SAMMSON: variants seen among roughly 807,000 people sequenced by gnomAD.
SAMMSON encodes long intergenic non-protein coding RNA 1212.
intron 3 of SAMMSON, among the ~76,000 whole-genome samples, chr3:70,015,824 T>C (rs1488085979): frequency 6.6e-6 from 1 of 152,180 alleles, no homozygotes; most frequent in East Asian, 1.9e-4. Context: ...TTTGCTTTTT[T>C]GTTCTTGTGA....
chr3:70,429,883 T>C (rs887477247), intron 2 of SAMMSON, among the ~76,000 whole-genome samples: 8 of 152,188 alleles, frequency 5.3e-5, no homozygotes, highest in Admixed American at 4.6e-4. Flanking sequence ...CCATGGGGTT[T>C]TCTAAATATA....
intron 6 of SAMMSON, among the ~76,000 whole-genome samples, chr3:70,267,635 C>A (rs1454797209): frequency 2.3e-5 from 3 of 133,000 alleles, no homozygotes; most frequent in Non-Finnish European, 4.7e-5. Context: ...CCAGAATGGT[C>A]TTGACCTCCT....
At chr3:70,142,319 G>GTA (rs542061034) in intron 4 of SAMMSON, among the ~76,000 whole-genome samples, 5 of 151,862 alleles carry the variant, frequency 3.3e-5, no homozygotes, top group South Asian at 2.1e-4. Context: ...AGAAACTGTG[G>GTA]TATATATATA....
intron 3 of SAMMSON, among the ~76,000 whole-genome samples, chr3:70,020,632 C>G (rs926591974): frequency 2.6e-5 from 4 of 152,110 alleles, no homozygotes; most frequent in Admixed American, 6.6e-5. Context: ...ACACATTTCT[C>G]TTCGCCTTCT....
intron 1 of SAMMSON, among the ~76,000 whole-genome samples, chr3:70,010,290 C>G (rs112921103): frequency 6.6e-6 from 1 of 152,040 alleles, no homozygotes; most frequent in East Asian, 1.9e-4. Flanking sequence ...CTTTCTAGAT[C>G]TCTAAGAACT....
chr3:70,430,862 T>C (rs1416904016), intron 2 of SAMMSON, among the ~76,000 whole-genome samples: 14 of 152,132 alleles, frequency 9.2e-5, no homozygotes, highest in Non-Finnish European at 4.4e-5. Flanking sequence ...TCAGCCTTAG[T>C]TTTTATACAT....
intron 9 of SAMMSON, among the ~76,000 whole-genome samples, chr3:70,372,474 A>G (rs918130154): frequency 6.6e-6 from 1 of 151,694 alleles, no homozygotes; most frequent in East Asian, 1.9e-4. Flanking sequence ...TCATTTTTGT[A>G]TTATTAGTAG....
intron 2 of SAMMSON, among the ~76,000 whole-genome samples, chr3:70,429,044 T>A (rs1223001543): frequency 6.6e-6 from 1 of 152,220 alleles, no homozygotes; most frequent in Admixed American, 6.5e-5. Context: ...CCCGTGCCTA[T>A]GGCCTGAATG....
intron 3 of SAMMSON, among the ~76,000 whole-genome samples, chr3:70,048,158 T>C (rs1376596701): frequency 6.6e-6 from 1 of 152,112 alleles, no homozygotes; most frequent in Non-Finnish European, 1.5e-5. Context: ...ATACGTACTG[T>C]GCTACCGGCT....
chr3:70,067,756 G>C (rs1321102205), intron 3 of SAMMSON, among the ~76,000 whole-genome samples: 2 of 152,034 alleles, frequency 1.3e-5, no homozygotes, highest in Non-Finnish European at 2.9e-5. Context: ...CTCCTGCAAT[G>C]TCACCTGCAA....
intron 3 of SAMMSON, among the ~76,000 whole-genome samples, chr3:70,054,130 T>G (rs191455878): frequency 2.8e-4 from 42 of 152,270 alleles, no homozygotes; most frequent in Non-Finnish European, 5.4e-4. Flanking sequence ...CATATAGATA[T>G]AGGTGAGTGT....
chr3:70,262,047 A>G (rs1489833898), intron 6 of SAMMSON, among the ~76,000 whole-genome samples: 5 of 152,140 alleles, frequency 3.3e-5, no homozygotes, highest in Admixed American at 2.6e-4. Flanking sequence ...GCCATTCCTC[A>G]TGTGTCCTTG....
Position 70,047,333 on chromosome 3 carries a change from C to CTTTTT in SAMMSON, n.418-24134_418-24130dup, listed in dbSNP as rs879262238. Among the ~76,000 whole-genome samples, 334 of 143,420 alleles carry CTTTTT rather than the reference C, an allele frequency of 2.3e-3. 3 individuals are homozygous for CTTTTT. The highest frequency in any genetic ancestry group is 7.8e-3 in the African/African-American group (308 of 39,292). 94.1% of individuals were successfully genotyped at this position (143,420 alleles called of 152,430 possible). A position where few individuals can be genotyped will look rare whatever the true frequency, so the allele number is the denominator to read the frequency against. ...TATTATATAATTTCTCTCTCTCTCT[C>CTTTTT]TTTTTTTTTTTTTGAGACAGAGTCT... On this transcript the variant is annotated intron_variant and non_coding_transcript_variant, in intron 3 of 9. Coordinates refer to ENST00000642114, the Ensembl canonical transcript of SAMMSON.
At chr3:70,429,316 T>C (rs1701395503) in intron 2 of SAMMSON, among the ~76,000 whole-genome samples, 1 of 152,164 alleles carries the variant, frequency 6.6e-6, no homozygotes, top group South Asian at 2.1e-4. Context: ...TTCTATTCCA[T>C]TGGTCTATAT....
At chr3:70,172,586 G>A (rs556154259) in intron 4 of SAMMSON, 1 of 152,086 alleles carries the variant, frequency 6.6e-6, no homozygotes, top group East Asian at 1.9e-4. Context: ...GTTTGGGTTA[G>A]GGGTTGCTTT....
chr3:70,414,621 A>C (rs946948989), intron 2 of SAMMSON, among the ~76,000 whole-genome samples: 12 of 152,128 alleles, frequency 7.9e-5, no homozygotes, highest in Non-Finnish European at 1.8e-4. Flanking sequence ...AACTAGAAAT[A>C]GTTGGCTAAA....
At chr3:70,009,155 A>T (rs2066942773) in intron 1 of SAMMSON, 1 of 152,206 alleles carries the variant, frequency 6.6e-6, no homozygotes. Context: ...TGGCCTCATA[A>T]AATGAGTGAG....
intron 9 of SAMMSON, among the ~76,000 whole-genome samples, chr3:70,378,092 C>T (rs937155444): frequency 3.3e-5 from 5 of 151,536 alleles, no homozygotes; most frequent in Non-Finnish European, 7.4e-5. Context: ...TTCAGAGAAT[C>T]TTTTCTATCA....
At chr3:70,100,813 A>G (rs572754763) in intron 4 of SAMMSON, among the ~76,000 whole-genome samples, 1 of 152,278 alleles carries the variant, frequency 6.6e-6, no homozygotes, top group African/African-American at 2.4e-5. Flanking sequence ...ACATTTCAAT[A>G]TTTAATTTCC....
Sources: allele counts gnomAD v4.1 joint callset (sites outside exome capture counted in the v4.1 genomes callset), GRCh38; gene constraint gnomAD v4.1.1; transcripts MANE v1.5; gene names NCBI Gene and HGNC (gene_info 2026-07-23, HGNC 2026-07-21).